The following BAX variants were observed in gnomAD, a reference collection of about 807,000 sequenced individuals.
BAX encodes the protein apoptosis regulator BAX.
BAX carries 21 observed loss-of-function variants against 26.8 expected under a neutral mutation model. The observed-to-expected ratio is 0.78, with a 90% CI of 0.56 to 1.13. BAX has a LOEUF of 1.13. BAX is among the 50% of genes most tolerant of loss of function. The pLI is 0.00. For missense variants in BAX, 236 were observed against 254.6 expected (o/e 0.93, Z 0.50); for synonymous variants, 110 against 101.8 (o/e 1.08, Z -0.49).
chr19:48,959,420 A>G (rs2038265615), intron 4 of BAX, among the ~76,000 whole-genome samples: 1 of 150,708 alleles, frequency 6.6e-6, no homozygotes, highest in Non-Finnish European at 1.5e-5. Flanking sequence ...GCTGAAGGGT[A>G]AGAATTTGCT....
At chr19:48,954,991 A>C in intron 1 of BAX, 29 bp downstream of exon 1, 1 of 1,228,796 alleles carries the variant, frequency 8.1e-7, no homozygotes, top group Non-Finnish European at 1.0e-6. Flanking sequence ...GGGCGGGAGG[A>C]GGGCGAGCCC....
chr19:48,956,036 G>A lies in BAX; in HGVS notation c.234-162G>A, dbSNP rs899491606. The A allele has an allele frequency of 2.0e-5, 23 of 1,168,512 alleles. No individual in the cohort carries two copies. The Admixed American group carries it at 6.1e-4, about 31-fold the overall frequency. 72.4% of individuals were successfully genotyped at this position (1,168,512 alleles called of 1,614,324 possible). On this transcript the variant is annotated intron_variant, in intron 3 of 5. Coordinates refer to ENST00000345358, the MANE Select transcript of BAX (RefSeq NM_138761.4). ...AGTCATTTTTCCCACCTTCCTAAAT[G>A]TCTGTCTTGTCCCCTTCCCTTGTCC...
intron 4 of BAX, among the ~76,000 whole-genome samples, chr19:48,959,364 A>AG (rs1338804949): frequency 1.3e-5 from 2 of 150,822 alleles, no homozygotes; most frequent in African/African-American, 4.9e-5. Flanking sequence ...AAAAAAAAAA[A>AG]AAAAAAAGAA....
intron 1 of BAX, 37 bp downstream of exon 1, chr19:48,954,999 C>T: frequency 8.1e-7 from 1 of 1,239,926 alleles, no homozygotes; most frequent in Non-Finnish European, 1.0e-6. Context: ...GGAGGGCGAG[C>T]CCCCTCGCCG....
Position 48,955,552 on chromosome 19 carries a change from C to A in BAX, c.39C>A (p.Pro13=). The change falls in exon 2 of 6, where the codon CCC becomes CCA. Residue 13 remains proline (P), a synonymous_variant. Transcript: ENST00000345358. ...GSGEQPRGGG[P]TSSEQIMKTG... ...TTCCCTTCCTTTCTCCTCTAGGGCCCACCAGCTCTGAGCAGATCATGAAGA... is the reference window on the plus strand; with the variant it reads ...TTCCCTTCCTTTCTCCTCTAGGGCCAACCAGCTCTGAGCAGATCATGAAGA... 1.2e-6 allele frequency: 2 copies of A among 1,612,974 alleles called. No individual in the cohort carries two copies. Among genetic ancestry groups the A allele is most frequent in the Non-Finnish European group, 1.7e-6 (2 of 1,179,430 alleles).
Position 48,955,676 on chromosome 19 carries a change from C to A in BAX, c.87-11C>A. ...TTCTGATTCTGCACCCTCACTCCAT[C>A]CCCACTCTAGTTTCATCCAGGATCG... On this transcript the variant is annotated splice_polypyrimidine_tract_variant and intron_variant, in intron 2 of 5. Coordinates refer to ENST00000345358, the MANE Select transcript of BAX (RefSeq NM_138761.4). 6.2e-7 allele frequency: 1 copy of A among 1,611,836 alleles called. No individual in the cohort carries two copies.
chr19:48,955,368 T>G (rs2038083074), intron 1 of BAX, 180 bp from the exon 2 acceptor site: 2 of 652,370 alleles, frequency 3.1e-6, no homozygotes, highest in East Asian at 2.9e-5. Context: ...AGGCCCAGCC[T>G]CCTGGCCTTT....
Position 48,961,554 on chromosome 19 carries a change from G to A in BAX, c.497G>A (p.Gly166Glu). 1 of 1,610,392 alleles carries A rather than the reference G, an allele frequency of 6.2e-7. No homozygotes were observed. The highest frequency in any genetic ancestry group is 1.3e-5 in the African/African-American group (1 of 74,938). ...CAGGACGGCCTCCTCTCCTACTTTG[G>A]GACGCCCACGTGGCAGACCGTGACC... ...GGWDGLLSYF[G>E]TPTWQTVTIF... Residue 166 changes from glycine (G) to glutamate (E), a missense_variant, in exon 6 of 6, where the codon GGG becomes GAG. Transcript: ENST00000345358.
In BAX at chr19:48,960,741, G is replaced by A. The variant is rs1214472074; in HGVS notation, c.370-69G>A. The A allele has an allele frequency of 3.0e-6, 4 of 1,333,218 alleles. No individual in the cohort carries two copies. In the East Asian group the frequency reaches 9.3e-5, roughly 31 times the overall value. 82.6% of individuals were successfully genotyped at this position (1,333,218 alleles called of 1,614,324 possible). A position where few individuals can be genotyped will look rare whatever the true frequency, so the allele number is the denominator to read the frequency against. On this transcript the variant is annotated intron_variant, in intron 4 of 5. Transcript: ENST00000345358. ...GGGAGGCAAAGAATTGACAAAGGAG[G>A]TTTGGGGCCACTATCTCCAGGCAGT...
intron 4 of BAX, among the ~76,000 whole-genome samples, chr19:48,958,991 G>A (rs1156803157): frequency 6.6e-6 from 1 of 152,182 alleles, no homozygotes; most frequent in African/African-American, 2.4e-5. Flanking sequence ...GGCTGCAGGA[G>A]AAGTCTTGGG....
Position 48,955,549 on chromosome 19 carries a change from G to A in BAX, c.36G>A (p.Gly12=), listed in dbSNP as rs200327680. The A allele has an allele frequency of 1.1e-5, 17 of 1,612,210 alleles. No homozygotes were observed. Among genetic ancestry groups the A allele is most frequent in the Non-Finnish European group, 6.8e-6 (8 of 1,179,090 alleles). ...CTCTTCCCTTCCTTTCTCCTCTAGGGCCCACCAGCTCTGAGCAGATCATGA... is the reference window on the plus strand; with the variant it reads ...CTCTTCCCTTCCTTTCTCCTCTAGGACCCACCAGCTCTGAGCAGATCATGA... ...DGSGEQPRGG[G]PTSSEQIMKT... The change falls in exon 2 of 6, where the codon GGG becomes GGA. Residue 12 remains glycine (G), a splice_region_variant and synonymous_variant. Coordinates refer to ENST00000345358, the MANE Select transcript of BAX (RefSeq NM_138761.4).
At chr19:48,960,666 T>A (rs2038320354) in intron 4 of BAX, 144 bp from the exon 5 acceptor site, 1 of 766,422 alleles carries the variant, frequency 1.3e-6, no homozygotes. Flanking sequence ...CCTGGCCATG[T>A]TTACAATTTT....
chr19:48,954,942 G>A lies in BAX; in HGVS notation c.14G>A (p.Gly5Glu). 8.0e-7 allele frequency: 1 copy of A among 1,244,922 alleles called. No homozygotes were observed. The highest frequency in any genetic ancestry group is 1.0e-6 in the Non-Finnish European group (1 of 993,398). 77.1% of individuals were successfully genotyped at this position (1,244,922 alleles called of 1,614,324 possible). A position where few individuals can be genotyped will look rare whatever the true frequency, so the allele number is the denominator to read the frequency against. Residue 5 changes from glycine to glutamate, a missense_variant, in exon 1 of 6, where the codon GGG becomes GAG. By Grantham distance (98) the Gly-to-Glu change is moderately conservative. Coordinates refer to ENST00000345358, the MANE Select transcript of BAX (RefSeq NM_138761.4). ...GGAGCGGCGGTGATGGACGGGTCCG[G>A]GGAGCAGCCCAGAGGCGGGGGTGAG... MDGS[G>E]EQPRGGGPTS...
At chr19:48,957,462 A>G (rs886631448) in intron 4 of BAX, among the ~76,000 whole-genome samples, 2 of 149,384 alleles carry the variant, frequency 1.3e-5, no homozygotes, top group African/African-American at 4.9e-5. Flanking sequence ...TTTAGTAGAG[A>G]CGGAGTTTCG....
Position 48,954,941 on chromosome 19 carries a change from G to A in BAX, c.13G>A (p.Gly5Arg), listed in dbSNP as rs1600099752. The A allele has an allele frequency of 1.0e-5, 13 of 1,244,060 alleles. No individual in the cohort carries two copies. The highest frequency in any genetic ancestry group is 1.3e-5 in the Non-Finnish European group (13 of 992,906). The allele number at this position is 1,244,060 out of a possible 1,614,324, so 77.1% of individuals were successfully genotyped here. The part of the protein sequence containing the change: MDGS[G>R]EQPRGGGPTS... ...GGGAGCGGCGGTGATGGACGGGTCC[G>A]GGGAGCAGCCCAGAGGCGGGGGTGA... The change falls in exon 1 of 6, where the codon GGG (glycine) becomes AGG (arginine). Residue 5 changes from glycine to arginine, a missense_variant. Physicochemically the swap from Gly to Arg is moderately radical, Grantham distance 125 (BLOSUM62 -2). Transcript: ENST00000345358.
intron 4 of BAX, among the ~76,000 whole-genome samples, chr19:48,958,835 G>A (rs1053367684): frequency 6.6e-6 from 1 of 151,936 alleles, no homozygotes; most frequent in Non-Finnish European, 1.5e-5. Context: ...GTGAGCCACC[G>A]TGCTCAGCTG....
At chr19:48,956,174 C>T in intron 3 of BAX, 24 bp from the exon 4 acceptor site, 1 of 1,493,714 alleles carries the variant, frequency 6.7e-7, no homozygotes, top group Non-Finnish European at 8.9e-7. Context: ...TGCTCCCCGG[C>T]ACTGGTTCTC....
intron 1 of BAX, 187 bp from the exon 2 acceptor site, chr19:48,955,361 C>G: frequency 1.6e-6 from 1 of 621,462 alleles, no homozygotes; most frequent in Non-Finnish European, 2.6e-6. Context: ...AGGATACAGG[C>G]CCAGCCTCCT....
chr19:48,955,084 G>A, intron 1 of BAX, 122 bp downstream of exon 1: 1 of 1,163,624 alleles, frequency 8.6e-7, no homozygotes, highest in Non-Finnish European at 1.1e-6. Context: ...CTCCCGGATC[G>A]GGCGCTGCCA....
Sources: gnomAD v4.1 joint callset for allele counts (sites outside exome capture counted in the v4.1 genomes callset) on GRCh38, gnomAD v4.1.1 for gene constraint, MANE v1.5 for transcripts, NCBI Gene and HGNC (gene_info 2026-07-23, HGNC 2026-07-21) for gene names.